UNC119: variants seen among roughly 807,000 people sequenced by gnomAD.
The protein encoded by UNC119 is protein unc-119 homolog A.
In UNC119, 15 loss-of-function variants were observed where a neutral mutation model predicts 22.6. The ratio of observed to expected loss-of-function variants is 0.66; its 90% CI spans 0.44 to 1.02. UNC119 has a LOEUF of 1.02. Among genes scored for constraint, UNC119 ranks in the 50% least tolerant of loss-of-function variants. The probability of loss-of-function intolerance (pLI) is 0.00; values close to 1 mark genes in which losing one functional copy is unlikely to be tolerated. For missense variants in UNC119, 322 were observed against 336.0 expected (o/e 0.96, Z 0.33); for synonymous variants, 138 against 139.4 (o/e 0.99, Z 0.07).
chr17:28,552,146 G>C (rs1414600974), intron 1 of UNC119, 192 bp downstream of exon 1: 2 of 710,106 alleles, frequency 2.8e-6, no homozygotes, highest in Non-Finnish European at 5.2e-6. Flanking sequence ...CACAGAGAGA[G>C]ATCAAGGGAA....
In UNC119 at chr17:28,547,690, G is replaced by C; in HGVS notation, c.597C>G (p.Leu199=). The stretch of plus-strand genomic sequence containing the variant: ...CTGCCCGCGCACTCAGCTCCTCGGA[G>C]AGAGGGGGGAAGTCGTAAATGTGCT... ...TCEHIYDFPP[L]SEELISEMIR... is the part of the protein sequence containing the mutation. Residue 199 remains leucine, a synonymous_variant, in exon 4 of 5, where the codon CTC becomes CTG. Coordinates refer to ENST00000335765, the MANE Select transcript of UNC119 (RefSeq NM_005148.4). 1.2e-6 allele frequency: 2 copies of C among 1,614,218 alleles called. No individual in the cohort carries two copies. The highest frequency in any genetic ancestry group is 2.2e-5 in the East Asian group (1 of 44,890).
intron 1 of UNC119, 176 bp from the exon 2 acceptor site, chr17:28,548,881 C>T (rs1348928230): frequency 3.4e-6 from 2 of 586,020 alleles, no homozygotes; most frequent in East Asian, 2.9e-5. Flanking sequence ...AGAGACATAA[C>T]TCCGCCATGG....
Position 28,552,442 on chromosome 17 carries a change from G to C in UNC119, c.116C>G (p.Ser39Cys). The change falls in exon 1 of 5, where the codon TCC becomes TGC. Residue 39 changes from serine (S) to cysteine (C), a missense_variant. Physicochemically the swap from Ser to Cys is moderately radical, Grantham distance 112. Coordinates refer to ENST00000335765, the MANE Select transcript of UNC119 (RefSeq NM_005148.4). ...PQPPAESESGSESEPDAGPGP... is the reference protein window; with the variant it reads ...PQPPAESESGCESEPDAGPGP... ...TGGGCCTGCGTCCGGCTCCGACTCG[G>C]ACCCAGATTCGGATTCCGCAGGCGG... 6.4e-7 allele frequency: 1 copy of C among 1,573,610 alleles called. No individual in the cohort carries two copies. The highest frequency in any genetic ancestry group is 8.6e-7 in the Non-Finnish European group (1 of 1,168,370).
intron 1 of UNC119, 30 bp downstream of exon 1, chr17:28,552,308 C>T: frequency 1.3e-6 from 2 of 1,528,618 alleles, no homozygotes; most frequent in Non-Finnish European, 1.8e-6. Flanking sequence ...CCTTCCCACC[C>T]GCGGGCGGCG....
chr17:28,547,761 C>T lies in UNC119; in HGVS notation c.526G>A (p.Asp176Asn), dbSNP rs772710984. 1.1e-5 allele frequency: 17 copies of T among 1,614,078 alleles called. No homozygotes were observed. The highest frequency in any genetic ancestry group is 3.3e-5 in the Admixed American group (2 of 60,002). The stretch of plus-strand genomic sequence containing the variant: ...GGGATGCAGAAGCCAAAGTGGAAGT[C>T]GAAGCTTTTGAGTAGCTGGTTGCGG... ...YFRNQLLKSF[D>N]FHFGFCIPSS... Residue 176 changes from aspartate to asparagine, a missense_variant, in exon 4 of 5, where the codon GAC (aspartate) becomes AAC (asparagine). Physicochemically the swap from Asp to Asn is conservative, Grantham distance 23. Coordinates refer to ENST00000335765, the MANE Select transcript of UNC119 (RefSeq NM_005148.4).
In UNC119 at chr17:28,552,576, C is replaced by A. The variant is rs777112986; in HGVS notation, c.-19G>T. 8.5e-5 allele frequency: 127 copies of A among 1,494,000 alleles called. No homozygotes were observed. The highest frequency in any genetic ancestry group is 1.9e-4 in the African/African-American group (13 of 68,500). The allele number at this position is 1,494,000 out of a possible 1,614,324, so 92.5% of individuals were successfully genotyped here. ...CCTTCATGGCCTTGCGGGGCCGAGG[C>A]TCGCCTGCTGCTGCCGCCGCTGCCT... On this transcript the variant is annotated 5_prime_UTR_variant, in exon 1 of 5. Transcript: ENST00000335765.
In UNC119 at chr17:28,547,819, G is replaced by A. The variant is rs925110547; in HGVS notation, c.468C>T (p.Val156=). The change falls in exon 4 of 5, where the codon GTC becomes GTT. Residue 156 remains valine (V), a synonymous_variant. Transcript: ENST00000335765. ...GCCTCTCGATCATGCGGAAGTTGTT[G>A]ACAGGCTTGTCTCCCACTGTGAACT... ...TVEFTVGDKP[V]NNFRMIERHY... is the part of the protein sequence containing the mutation. 2.5e-6 allele frequency: 4 copies of A among 1,614,178 alleles called. No individual in the cohort carries two copies. Among genetic ancestry groups the A allele is most frequent in the Non-Finnish European group, 3.4e-6 (4 of 1,180,034 alleles).
intron 2 of UNC119, 35 bp downstream of exon 2, chr17:28,548,557 T>C (rs758818530): frequency 3.2e-6 from 5 of 1,574,558 alleles, no homozygotes. Context: ...AGCTCCTATC[T>C]GCCTCCCCAT....
rs560119422 is a variant in UNC119 at position 28,547,387 on chromosome 17, C to T, written c.633G>A (p.Pro211=). 23 of 1,614,094 alleles carry T rather than the reference C, an allele frequency of 1.4e-5. No individual in the cohort carries two copies. Among genetic ancestry groups the T allele is most frequent in the Middle Eastern group, 1.6e-4 (1 of 6,084 alleles). ...EELISEMIRH[P]YETQSDSFYF... is the part of the protein sequence containing the mutation. ...AGAAGCTGTCAGACTGGGTCTCATA[C>T]GGGTGGCGGATCATCTCGCTGACTG... The change falls in exon 5 of 5, where the codon CCG becomes CCA. Residue 211 remains proline, a synonymous_variant. Transcript: ENST00000335765.
At chr17:28,548,781 G>C in intron 1 of UNC119, 76 bp from the exon 2 acceptor site, 2 of 1,149,948 alleles carry the variant, frequency 1.7e-6, no homozygotes, top group Non-Finnish European at 2.6e-6. Context: ...TGGGACCCCA[G>C]AGTAGCTACC....
In UNC119 at chr17:28,547,185, A is replaced by G; in HGVS notation, c.*112T>C. 1 of 1,308,926 alleles carries G rather than the reference A, an allele frequency of 7.6e-7. No individual in the cohort carries two copies. Among genetic ancestry groups the G allele is most frequent in the Non-Finnish European group, 1.1e-6 (1 of 929,250 alleles). The allele number at this position is 1,308,926 out of a possible 1,614,324, so 81.1% of individuals were successfully genotyped here. A position where few individuals can be genotyped will look rare whatever the true frequency, so the allele number is the denominator to read the frequency against. On this transcript the variant is annotated 3_prime_UTR_variant, in exon 5 of 5. Coordinates refer to ENST00000335765, the MANE Select transcript of UNC119 (RefSeq NM_005148.4). ...CTCCCAACATTGACTCAGGGTCCGG[A>G]GCTCCTGGAGAACTCCCCAAGCAGA...
chr17:28,547,748 C>T lies in UNC119; in HGVS notation c.539G>A (p.Gly180Asp). ...QLLKSFDFHF[G>D]FCIPSSKNTC... is the part of the protein sequence containing the mutation. ...GTTCTTGCTGCTGGGGATGCAGAAG[C>T]CAAAGTGGAAGTCGAAGCTTTTGAG... The change falls in exon 4 of 5, where the codon GGC becomes GAC. Residue 180 changes from glycine to aspartate, a missense_variant. Transcript: ENST00000335765. The T allele has an allele frequency of 6.2e-7, 1 of 1,614,184 alleles. No homozygotes were observed. The highest frequency in any genetic ancestry group is 8.5e-7 in the Non-Finnish European group (1 of 1,180,038).
At position 28,547,518 on chromosome 17, in the gene UNC119, C is replaced by T. The variant is rs2070220287; in HGVS notation, c.611-109G>A. On this transcript the variant is annotated intron_variant, in intron 4 of 4. Coordinates refer to ENST00000335765, the MANE Select transcript of UNC119 (RefSeq NM_005148.4). ...GACAGCCAAACAGCCTGAAATATCC[C>T]CAGCCTCTTTCTCTACGGATGATAT... The T allele has an allele frequency of 8.8e-6, 14 of 1,584,446 alleles. No homozygotes were observed. In the South Asian group the frequency reaches 1.6e-4, roughly 18 times the overall value.
chr17:28,548,605 C>A lies in UNC119; in HGVS notation c.321G>T (p.Lys107Asn). 1 of 1,614,122 alleles carries A rather than the reference C, an allele frequency of 6.2e-7. No individual in the cohort carries two copies. Among genetic ancestry groups the A allele is most frequent in the South Asian group, 1.1e-5 (1 of 91,090 alleles). ...DSGTVLFEIK[K>N]PPVSERLPIN... ...CAGCCCACTCACCTGAGACTGGGGGCTTCTTGATTTCAAAGAGGACAGTGC... is the reference window on the plus strand; with the variant it reads ...CAGCCCACTCACCTGAGACTGGGGGATTCTTGATTTCAAAGAGGACAGTGC... The change falls in exon 2 of 5, where the codon AAG (lysine) becomes AAT (asparagine). Residue 107 changes from lysine to asparagine, a missense_variant. By Grantham distance (94) the Lys-to-Asn change is moderately conservative. Coordinates refer to ENST00000335765, the MANE Select transcript of UNC119 (RefSeq NM_005148.4).
Position 28,552,570 on chromosome 17 carries a change from C to T in UNC119, c.-13G>A, listed in dbSNP as rs981123457. Reference sequence around the variant, plus strand: ...TCTTCACCTTCATGGCCTTGCGGGGCCGAGGCTCGCCTGCTGCTGCCGCCG... The same window carrying T: ...TCTTCACCTTCATGGCCTTGCGGGGTCGAGGCTCGCCTGCTGCTGCCGCCG... On this transcript the variant is annotated 5_prime_UTR_variant, in exon 1 of 5. Transcript: ENST00000335765. The T allele has an allele frequency of 2.0e-6, 3 of 1,497,506 alleles. No individual in the cohort carries two copies. In the African/African-American group the frequency reaches 4.4e-5, roughly 22 times the overall value. The allele number at this position is 1,497,506 out of a possible 1,614,324, so 92.8% of individuals were successfully genotyped here. A position where few individuals can be genotyped will look rare whatever the true frequency, so the allele number is the denominator to read the frequency against.
At chr17:28,547,529 C>G (rs2070220512) in intron 4 of UNC119, 120 bp from the exon 5 acceptor site, 1 of 1,585,480 alleles carries the variant, frequency 6.3e-7, no homozygotes, top group Admixed American at 1.8e-5. Flanking sequence ...CAGCCTCTTT[C>G]TCTACGGATG....
chr17:28,550,776 C>T (rs189130714), intron 1 of UNC119: 5 of 152,324 alleles, frequency 3.3e-5, no homozygotes, highest in Non-Finnish European at 7.3e-5. Context: ...TTCACAGATG[C>T]CCCATCTCTA....
Position 28,547,446 on chromosome 17 carries a change from G to A in UNC119, c.611-37C>T, listed in dbSNP as rs1472970706. ...GCCCAGCCAGGCCGGGCAAAGGTCAGGAGCTTGAGTCCCGCCACTGCAGGG... is the reference window on the plus strand; with the variant it reads ...GCCCAGCCAGGCCGGGCAAAGGTCAAGAGCTTGAGTCCCGCCACTGCAGGG... On this transcript the variant is annotated intron_variant, in intron 4 of 4. Transcript: ENST00000335765. 2.5e-6 allele frequency: 4 copies of A among 1,608,730 alleles called. No individual in the cohort carries two copies. The South Asian group carries it at 4.4e-5, about 18-fold the overall frequency.
chr17:28,552,040 T>G, intron 1 of UNC119: 1 of 603,918 alleles, frequency 1.7e-6, no homozygotes, highest in Non-Finnish European at 3.2e-6. Context: ...TACAGGGCTA[T>G]GGTTGCAGCT....
Sources: allele counts gnomAD v4.1 joint callset, GRCh38; gene constraint gnomAD v4.1.1; transcripts MANE v1.5; gene names NCBI Gene and HGNC (gene_info 2026-07-23, HGNC 2026-07-21).